SHC3: variants seen among roughly 807,000 people sequenced by gnomAD.
The protein encoded by SHC3 is SHC-transforming protein 3.
SHC3 carries 15 observed loss-of-function variants against 60.4 expected under a neutral mutation model. The ratio of observed to expected loss-of-function variants is 0.25; its 90% CI spans 0.17 to 0.38. The LOEUF (loss-of-function observed/expected upper bound fraction) is 0.38, where lower values mean the gene tolerates loss of function less well. Among genes scored for constraint, SHC3 ranks in the 10% least tolerant of loss-of-function variants. The pLI, the probability that SHC3 is intolerant of heterozygous loss-of-function variation, is 1.00. For synonymous variants in SHC3, 294 were observed against 325.9 expected (o/e 0.90, Z 1.05); for missense variants, 677 against 786.1 (o/e 0.86, Z 1.66).
Position 89,006,827 on chromosome 9 carries a change from C to G in SHC3, c.*6620G>C, listed in dbSNP as rs1007438552. ...AACACATAGCTGTTAACAAAATTAA[C>G]CCCATTAATATTTAAAGACGGATTT... is the stretch of plus-strand genomic sequence containing the variant. On this transcript the variant is annotated 3_prime_UTR_variant, in exon 12 of 12. Coordinates refer to ENST00000375835, the MANE Select transcript of SHC3 (RefSeq NM_016848.6). 6.6e-6 allele frequency: 1 copy of G among 152,182 alleles called. No individual in the cohort carries two copies. The highest frequency in any genetic ancestry group is 1.5e-5 in the Non-Finnish European group (1 of 68,030). The allele number at this position is 152,182 out of a possible 1,614,324, so 9.4% of individuals were successfully genotyped here.
rs1825386912 is a variant in SHC3 at position 89,077,984 on chromosome 9, A to G, written c.546-81T>C. 3.3e-6 allele frequency: 5 copies of G among 1,495,390 alleles called. No homozygotes were observed. The Admixed American group carries it at 8.5e-5, about 25-fold the overall frequency. 92.6% of individuals were successfully genotyped at this position (1,495,390 alleles called of 1,614,324 possible). On this transcript the variant is annotated intron_variant, in intron 2 of 11. Transcript: ENST00000375835. ...CAGAGATGCTACACTTGCACATCCA[A>G]AGAAAATAACTGCCTGTTTATTTCA...
chr9:89,131,152 A>G (rs545067278), intron 1 of SHC3, among the ~76,000 whole-genome samples: 15 of 152,322 alleles, frequency 9.8e-5, no homozygotes, highest in African/African-American at 3.4e-4. Flanking sequence ...AAACTAAAAA[A>G]TCTAGGAGAA....
At chr9:89,041,927 T>C (rs755279122) in intron 10 of SHC3, 99 bp downstream of exon 10, 14 of 1,466,918 alleles carry the variant, frequency 9.5e-6, no homozygotes, top group Non-Finnish European at 1.3e-5. Context: ...ACCAAAACCC[T>C]ACTATCAGAA....
intron 11 of SHC3, among the ~76,000 whole-genome samples, chr9:89,020,163 A>G (rs1330115748): frequency 6.6e-6 from 1 of 152,054 alleles, no homozygotes; most frequent in Non-Finnish European, 1.5e-5. Flanking sequence ...ATGCACACTC[A>G]GCTCTGTGTG....
intron 1 of SHC3, among the ~76,000 whole-genome samples, chr9:89,127,532 G>A (rs1826181873): frequency 1.3e-5 from 2 of 152,094 alleles, no homozygotes; most frequent in Non-Finnish European, 1.5e-5. Context: ...AATTAAAAGT[G>A]GATAGATCCT....
intron 1 of SHC3, among the ~76,000 whole-genome samples, chr9:89,126,284 T>G (rs1378344125): frequency 6.6e-6 from 1 of 152,186 alleles, no homozygotes; most frequent in Non-Finnish European, 1.5e-5. Context: ...GATGAGTGAC[T>G]GAACTTGGGT....
chr9:89,096,797 C>G (rs977335871), intron 2 of SHC3, among the ~76,000 whole-genome samples: 5 of 152,212 alleles, frequency 3.3e-5, no homozygotes, highest in Admixed American at 6.5e-5. Flanking sequence ...AGAGAGGCTG[C>G]TCATCATCCT....
chr9:89,019,510 T>C (rs977147113), intron 11 of SHC3, among the ~76,000 whole-genome samples: 1 of 152,216 alleles, frequency 6.6e-6, no homozygotes, highest in East Asian at 1.9e-4. Flanking sequence ...GAAGAAAACC[T>C]GAAAGAATAA....
chr9:89,052,534 G>A (rs780591409), intron 6 of SHC3, among the ~76,000 whole-genome samples: 5 of 152,178 alleles, frequency 3.3e-5, no homozygotes, highest in African/African-American at 7.2e-5. Context: ...GCCTGATCTC[G>A]ACATGAACTA....
intron 1 of SHC3, among the ~76,000 whole-genome samples, chr9:89,151,282 T>C (rs1444332394): frequency 1.3e-5 from 2 of 152,236 alleles, no homozygotes; most frequent in African/African-American, 4.8e-5. Context: ...TCATAAGGTC[T>C]GAATGTTAGT....
chr9:89,071,315 C>T (rs1252459498), intron 4 of SHC3, 63 bp from the exon 5 acceptor site: 19 of 1,556,314 alleles, frequency 1.2e-5, no homozygotes, highest in Non-Finnish European at 1.7e-5. Flanking sequence ...TTTGGAAAAG[C>T]AACTGTTTGT....
chr9:89,153,222 T>A (rs1260397195), intron 1 of SHC3, among the ~76,000 whole-genome samples: 4 of 152,252 alleles, frequency 2.6e-5, no homozygotes, highest in African/African-American at 9.6e-5. Flanking sequence ...AAATAATGTA[T>A]GTTCATTGCA....
At chr9:89,138,463 T>G (rs538546723) in intron 1 of SHC3, among the ~76,000 whole-genome samples, 1 of 152,024 alleles carries the variant, frequency 6.6e-6, no homozygotes, top group African/African-American at 2.4e-5. Context: ...CTGGTGGGAG[T>G]GTAATAGTGA....
At chr9:89,133,465 T>C (rs1826278100) in intron 1 of SHC3, among the ~76,000 whole-genome samples, 1 of 152,182 alleles carries the variant, frequency 6.6e-6, no homozygotes, top group Non-Finnish European at 1.5e-5. Context: ...TGCACACGTA[T>C]GTTCACTGTG....
chr9:89,128,935 C>A (rs367896235), intron 1 of SHC3, among the ~76,000 whole-genome samples: 3 of 151,954 alleles, frequency 2.0e-5, no homozygotes, highest in Non-Finnish European at 2.9e-5. Context: ...AGGCTTCAGA[C>A]GATCAGTAAC....
chr9:89,126,480 A>C (rs149802558), intron 1 of SHC3, among the ~76,000 whole-genome samples: 1 of 152,328 alleles, frequency 6.6e-6, no homozygotes, highest in East Asian at 1.9e-4. Flanking sequence ...AGCATGTTCA[A>C]GATCATGGGA....
intron 6 of SHC3, among the ~76,000 whole-genome samples, chr9:89,061,175 CCA>C (rs1349082597): frequency 5.9e-5 from 9 of 152,180 alleles, no homozygotes; most frequent in Non-Finnish European, 1.3e-4. Context: ...TCACCTCCTG[CCA>C]CAGTGTCATT....
chr9:89,073,630 C>A (rs558488243), intron 4 of SHC3, among the ~76,000 whole-genome samples: 15 of 152,326 alleles, frequency 9.8e-5, no homozygotes, highest in Non-Finnish European at 1.8e-4. Context: ...CCCATCCGCC[C>A]AAACCAAGGG....
At chr9:89,040,501 C>G (rs1470870808) in intron 10 of SHC3, among the ~76,000 whole-genome samples, 2 of 151,946 alleles carry the variant, frequency 1.3e-5, no homozygotes, top group African/African-American at 4.8e-5. Flanking sequence ...TCCCAAACAC[C>G]AGCCAATCTA....
Sources: gnomAD v4.1 joint callset for allele counts (sites outside exome capture counted in the v4.1 genomes callset) on GRCh38, gnomAD v4.1.1 for gene constraint, MANE v1.5 for transcripts, NCBI Gene and HGNC (gene_info 2026-07-23, HGNC 2026-07-21) for gene names.